LINC00632: variants seen among roughly 807,000 people sequenced by gnomAD.
LINC00632 encodes the protein ALDOA related specific transcript.
At chrX:140,791,182 G>GACTT (rs1328070590) in exon 5 of LINC00632, among the ~76,000 whole-genome samples, 2 of 110,060 alleles carry the variant, frequency 1.8e-5, no homozygotes, top group Admixed American at 1.9e-4. Context: ...GTTCTTGATT[G>GACTT]ACTTATAATT....
chrX:140,748,242 T>C (rs939002779), intron 3 of LINC00632, among the ~76,000 whole-genome samples: 4 of 112,232 alleles, frequency 3.6e-5, no homozygotes, highest in African/African-American at 6.5e-5. Flanking sequence ...GAATATAAAA[T>C]ATTAACTTCC....
In LINC00632 at chrX:140,728,366, A is replaced by G. The variant is rs757882814; in HGVS notation, n.105-5512A>G. On this transcript the variant is annotated intron_variant and non_coding_transcript_variant, in intron 2 of 4. Coordinates refer to ENST00000648200, the Ensembl canonical transcript of LINC00632. The stretch of plus-strand genomic sequence containing the variant: ...CTATGACAGAAAGGTTTTCCTACAA[A>G]CACAAAATTGCATTCTGATGCACAG... 2.7e-5 allele frequency among the ~76,000 whole-genome samples: 3 copies of G among 111,528 alleles called. No homozygotes were observed. In the South Asian group the frequency reaches 1.1e-3, roughly 43 times the overall value.
chrX:140,760,722 C>T (rs776979869), intron 3 of LINC00632, among the ~76,000 whole-genome samples: 1 of 110,783 alleles, frequency 9.0e-6, no homozygotes, highest in Admixed American at 9.7e-5. Flanking sequence ...AGTGAGCAAC[C>T]TATATATAAT....
chrX:140,753,373 T>C (rs773986994), intron 3 of LINC00632, among the ~76,000 whole-genome samples: 4 of 111,952 alleles, frequency 3.6e-5, no homozygotes, highest in Non-Finnish European at 7.5e-5. Context: ...TCGTGAAACA[T>C]CTTCGCCTTT....
exon 5 of LINC00632, among the ~76,000 whole-genome samples, chrX:140,789,349 A>G (rs149367457): frequency 0.063 from 6,964 of 110,638 alleles, 544 homozygotes; most frequent in African/African-American, 0.22. Context: ...TATTTATTCA[A>G]TTCTTTCCAC....
intron 3 of LINC00632, among the ~76,000 whole-genome samples, chrX:140,755,738 A>C (rs2148394731): frequency 9.0e-6 from 1 of 111,702 alleles, no homozygotes; most frequent in East Asian, 2.8e-4. Context: ...TCTCTATCAA[A>C]TACTTAGACT....
intron 2 of LINC00632, chrX:140,712,378 C>A (rs1262480360): frequency 2.0e-5 from 2 of 102,503 alleles, no homozygotes; most frequent in African/African-American, 7.1e-5. Context: ...AAAAAAAATA[C>A]CCCCGGGGTT....
intron 2 of LINC00632, among the ~76,000 whole-genome samples, chrX:140,732,119 G>A (rs1295161210): frequency 3.6e-5 from 4 of 111,011 alleles, no homozygotes; most frequent in Non-Finnish European, 7.6e-5. Flanking sequence ...CAGGAGAATC[G>A]CTTGAACCCG....
At chrX:140,773,547 G>GA (rs1378101184) in exon 4 of LINC00632, among the ~76,000 whole-genome samples, 2 of 112,446 alleles carry the variant, frequency 1.8e-5, no homozygotes, top group Non-Finnish European at 3.8e-5. Flanking sequence ...GAGAAAGCCA[G>GA]AAACACTTTT....
chrX:140,736,436 C>CTTTTTTTTTTTTT lies in LINC00632; in HGVS notation n.191+2479_191+2491dup, dbSNP rs748293491. Among the ~76,000 whole-genome samples, 62 of 50,038 alleles carry CTTTTTTTTTTTTT rather than the reference C, an allele frequency of 1.2e-3. 1 individual carries two copies. Among genetic ancestry groups the CTTTTTTTTTTTTT allele is most frequent in the African/African-American group, 3.5e-3 (62 of 17,493 alleles). 43.5% of individuals were successfully genotyped at this position (50,038 alleles called of 115,157 possible). On this transcript the variant is annotated intron_variant and non_coding_transcript_variant, in intron 3 of 4. Coordinates refer to ENST00000648200, the Ensembl canonical transcript of LINC00632. ...GTTTTCTTTTTCTTTTCTTCTTCTT[C>CTTTTTTTTTTTTT]TTTTTTTTTTTTTTTTTTTGAGACA...
intron 2 of LINC00632, among the ~76,000 whole-genome samples, chrX:140,725,653 C>T (rs1168638945): frequency 8.9e-6 from 1 of 111,931 alleles, no homozygotes; most frequent in Non-Finnish European, 1.9e-5. Flanking sequence ...CCTACACTAC[C>T]CAGACATACC....
chrX:140,775,068 A>C (rs1457178567), exon 5 of LINC00632, among the ~76,000 whole-genome samples: 1 of 112,011 alleles, frequency 8.9e-6, no homozygotes, highest in African/African-American at 3.2e-5. Flanking sequence ...TATTTATGTT[A>C]AATTTCCAGA....
intron 3 of LINC00632, among the ~76,000 whole-genome samples, chrX:140,754,025 T>C (rs1163193458): frequency 1.8e-5 from 2 of 111,633 alleles, no homozygotes; most frequent in South Asian, 3.7e-4. Context: ...CTGCCCACCT[T>C]GGCCTCCCAA....
At chrX:140,727,701 T>C (rs953042891) in intron 2 of LINC00632, among the ~76,000 whole-genome samples, 15 of 112,243 alleles carry the variant, frequency 1.3e-4, no homozygotes, top group Non-Finnish European at 1.7e-4. Flanking sequence ...GCCAGTCATG[T>C]ACCAGAGTAC....
At chrX:140,785,321 G>A (rs1932004067) in exon 5 of LINC00632, among the ~76,000 whole-genome samples, 1 of 111,362 alleles carries the variant, frequency 9.0e-6, no homozygotes. Context: ...TTGAAGCTAG[G>A]TACCATCATT....
chrX:140,788,316 T>C (rs1009717644), exon 5 of LINC00632, among the ~76,000 whole-genome samples: 2 of 110,336 alleles, frequency 1.8e-5, no homozygotes, highest in Admixed American at 9.7e-5. Context: ...TTTATGATTA[T>C]TATTAACATT....
exon 5 of LINC00632, among the ~76,000 whole-genome samples, chrX:140,780,148 G>T (rs1219137480): frequency 8.9e-6 from 1 of 112,058 alleles, no homozygotes; most frequent in Non-Finnish European, 1.9e-5. Context: ...TATATGAAAT[G>T]CTTAGTACAG....
chrX:140,711,831 T>G, intron 2 of LINC00632: 1 of 153,017 alleles, frequency 6.5e-6, no homozygotes, highest in Non-Finnish European at 1.4e-5. Context: ...CTGACCATTT[T>G]AAGTGTTGTG....
chrX:140,712,386 G>A (rs1188414604), intron 2 of LINC00632, among the ~76,000 whole-genome samples: 13 of 100,778 alleles, frequency 1.3e-4, no homozygotes, highest in Non-Finnish European at 2.6e-4. Flanking sequence ...TACCCCCGGG[G>A]TTAAAGTTCC....
Sources: allele counts gnomAD v4.1 joint callset (sites outside exome capture counted in the v4.1 genomes callset), GRCh38; gene constraint gnomAD v4.1.1; transcripts MANE v1.5; gene names NCBI Gene and HGNC (gene_info 2026-07-23, HGNC 2026-07-21).